Variants in SYNE1 observed in about 807,000 individuals in gnomAD.
SYNE1 encodes the protein spectrin repeat containing nuclear envelope protein 1, also known as nesprin-1.
A neutral mutation model predicts 1,111.0 loss-of-function variants in SYNE1; 616 were observed. That is an observed-to-expected ratio of 0.55 (90% CI 0.52 to 0.59). The LOEUF (loss-of-function observed/expected upper bound fraction) is 0.59, where lower values mean the gene tolerates loss of function less well. SYNE1 is among the 20% of genes least tolerant of loss of function. SYNE1 has a pLI of 0.00. For missense variants in SYNE1, 10,006 were observed against 10,417.0 expected (o/e 0.96, Z 1.72); for synonymous variants, 3,855 against 3,825.8 (o/e 1.01, Z -0.28).
rs756825274 is a variant in SYNE1 at position 152,409,215 on chromosome 6, G to C, written c.6393C>G (p.Ala2131=). ...LKWAFSKHET[A]KNKMNYKQKD... Reference sequence around the variant, plus strand: ...TCTGTTTGTAATTCATTTTGTTCTTGGCAGTTTCATGCTGTGGATAAATGA... The same window carrying C: ...TCTGTTTGTAATTCATTTTGTTCTTCGCAGTTTCATGCTGTGGATAAATGA... The change falls in exon 44 of 146, where the codon GCC becomes GCG. Residue 2131 remains alanine (A), a synonymous_variant. Transcript: ENST00000367255. The C allele has an allele frequency of 6.2e-7, 1 of 1,613,866 alleles. No individual in the cohort carries two copies. Among genetic ancestry groups the C allele is most frequent in the Non-Finnish European group, 8.5e-7 (1 of 1,179,952 alleles).
chr6:152,548,417 A>G (rs967216094), intron 3 of SYNE1, among the ~76,000 whole-genome samples: 3 of 152,182 alleles, frequency 2.0e-5, no homozygotes, highest in East Asian at 1.9e-4. Flanking sequence ...CTGGACCACA[A>G]TTGCTCCCTC....
rs138618786 is a variant in SYNE1 at position 152,349,687 on chromosome 6, T to G, written c.11901+481A>C. Among the ~76,000 whole-genome samples, 188 of 152,320 alleles carry G rather than the reference T, an allele frequency of 1.2e-3. 1 individual carries two copies. Among genetic ancestry groups the G allele is most frequent in the African/African-American group, 4.2e-3 (176 of 41,566 alleles). ...AGTGCTTGAGACTCAGACCTTCATA[T>G]GGTTTGGCTGTCTCCCCACCCAAAT... On this transcript the variant is annotated intron_variant, in intron 72 of 145. Transcript: ENST00000367255.
intron 67 of SYNE1, 75 bp downstream of exon 67, chr6:152,354,584 T>G (rs2096801281): frequency 1.3e-6 from 2 of 1,574,932 alleles, no homozygotes; most frequent in African/African-American, 2.7e-5. Context: ...TAAAAGTTAC[T>G]AAATATCTTA....
intron 56 of SYNE1, chr6:152,380,421 A>G (rs527859672): frequency 2.0e-5 from 3 of 153,356 alleles, no homozygotes; most frequent in Admixed American, 6.5e-5. Context: ...CCTTTCTCAC[A>G]TTCTAAAGAA....
At chr6:152,299,691 T>C (rs993010512) in intron 93 of SYNE1, among the ~76,000 whole-genome samples, 52 of 152,126 alleles carry the variant, frequency 3.4e-4, no homozygotes, top group Admixed American at 6.5e-5. Flanking sequence ...ATGTTCCTTT[T>C]TTTTTTTAAT....
In SYNE1 at chr6:152,318,336, T is replaced by G. The variant is rs2095787792; in HGVS notation, c.16390-73A>C. 5 of 1,547,864 alleles carry G rather than the reference T, an allele frequency of 3.2e-6. No individual in the cohort carries two copies. In the South Asian group the frequency reaches 5.7e-5, roughly 18 times the overall value. Reference sequence around the variant, plus strand: ...TTCTCCAGGTTTCCCGAGATCAGACTGATTTTTGTCAAAGCCAAATATTAT... The same window carrying G: ...TTCTCCAGGTTTCCCGAGATCAGACGGATTTTTGTCAAAGCCAAATATTAT... On this transcript the variant is annotated intron_variant, in intron 85 of 145. Transcript: ENST00000367255.
Position 152,148,255 on chromosome 6 carries a change from T to A in SYNE1, c.24766A>T (p.Asn8256Tyr), listed in dbSNP as rs1422721898. ...GGCTGAGCGAGCGAGAGGGAGAGAT[T>A]GGAGGAAGGCTGTGGAGAAAGCAGG... is the stretch of plus-strand genomic sequence containing the variant. ...DSLLSPQPSSNLSLSLAQPLR... is the reference protein window; with the variant it reads ...DSLLSPQPSSYLSLSLAQPLR... The change falls in exon 137 of 146, where the codon AAT becomes TAT. Residue 8256 changes from asparagine (N) to tyrosine (Y), a missense_variant. Physicochemically the swap from Asn to Tyr is moderately radical, Grantham distance 143. Coordinates refer to ENST00000367255, the MANE Select transcript of SYNE1 (RefSeq NM_182961.4). This position sits in a 1 kb window ranked among gnomAD's most constrained non-coding sequence, Gnocchi z 4.1. The A allele has an allele frequency of 6.2e-7, 1 of 1,613,478 alleles. No individual in the cohort carries two copies. The highest frequency in any genetic ancestry group is 8.5e-7 in the Non-Finnish European group (1 of 1,179,676).
rs754758564 is a variant in SYNE1, at chr6:152,293,809, C to T, written c.17851-60G>A. 63 of 1,612,938 alleles carry T rather than the reference C, an allele frequency of 3.9e-5. 1 individual carries two copies. In the Middle Eastern group the frequency reaches 5.2e-4, roughly 13 times the overall value. ...CAGCCCCTTATCTTTCAGATTACAA[C>T]ATTTCTTTCTTCAGTGCTTTACCTC... On this transcript the variant is annotated intron_variant, in intron 94 of 145. Transcript: ENST00000367255.
chr6:152,235,581 G>A (rs1227063680), intron 110 of SYNE1, among the ~76,000 whole-genome samples: 1 of 152,044 alleles, frequency 6.6e-6, no homozygotes, highest in African/African-American at 2.4e-5. Context: ...GGCTGGTCTC[G>A]AACTCCTGAC....
In SYNE1 at chr6:152,354,973, G is replaced by C; in HGVS notation, c.10612C>G (p.Leu3538Val). Reference sequence around the variant, plus strand: ...TGCCCCTCTGCACAGTGTACCTGTAGCTCCTGCAGAGAAAAAGGTATGGCT... The same window carrying C: ...TGCCCCTCTGCACAGTGTACCTGTACCTCCTGCAGAGAAAAAGGTATGGCT... ...HETTLRDLQE[L>V]QVHCAEGQAL... Residue 3538 changes from leucine to valine, a missense_variant, in exon 67 of 146, where the codon CTA (leucine) becomes GTA (valine). Leu to Val is a conservative substitution (Grantham distance 32). Transcript: ENST00000367255. 1.2e-6 allele frequency: 2 copies of C among 1,613,732 alleles called. No individual in the cohort carries two copies. Among genetic ancestry groups the C allele is most frequent in the Non-Finnish European group, 1.7e-6 (2 of 1,180,008 alleles).
chr6:152,181,984 A>T (rs928305086), intron 128 of SYNE1, among the ~76,000 whole-genome samples: 1 of 152,076 alleles, frequency 6.6e-6, no homozygotes, highest in African/African-American at 2.4e-5. Context: ...GATGGTTTTG[A>T]TTTGCATTTC....
At chr6:152,629,109 T>A (rs997577194) in intron 2 of SYNE1, among the ~76,000 whole-genome samples, 1 of 152,138 alleles carries the variant, frequency 6.6e-6, no homozygotes, top group Non-Finnish European at 1.5e-5. Flanking sequence ...TGATTTAGTT[T>A]TTTTCCTCCC....
chr6:152,359,062 G>T (rs2096887688), intron 65 of SYNE1, among the ~76,000 whole-genome samples: 1 of 152,112 alleles, frequency 6.6e-6, no homozygotes, highest in Non-Finnish European at 1.5e-5. Context: ...AAGGTGTCCA[G>T]AATTTTTTTT....
At chr6:152,442,315 C>T in intron 30 of SYNE1, 70 bp from the exon 31 acceptor site, 1 of 1,579,500 alleles carries the variant, frequency 6.3e-7, no homozygotes. Context: ...ACATCAACAC[C>T]CACGCTTAAC....
chr6:152,385,011 C>G (rs2097502718), intron 55 of SYNE1, among the ~76,000 whole-genome samples: 1 of 152,104 alleles, frequency 6.6e-6, no homozygotes, highest in Non-Finnish European at 1.5e-5. Context: ...CACAATTACA[C>G]TATTTATTCC....
At chr6:152,412,656 C>T (rs892119981) in intron 42 of SYNE1, among the ~76,000 whole-genome samples, 1 of 152,034 alleles carries the variant, frequency 6.6e-6, no homozygotes, top group Non-Finnish European at 1.5e-5. Flanking sequence ...TTAATAGTTA[C>T]ACAACTGCAT....
intron 128 of SYNE1, chr6:152,185,401 AC>A (rs1474225841): frequency 2.6e-5 from 4 of 152,292 alleles, no homozygotes; most frequent in African/African-American, 9.6e-5. Flanking sequence ...TCAAGTTTTG[AC>A]TTTTACAATG....
rs1768536999 is a variant in SYNE1, at chr6:152,262,017, T to C, written c.18972+15A>G. 6.2e-7 allele frequency: 1 copy of C among 1,602,956 alleles called. No homozygotes were observed. The highest frequency in any genetic ancestry group is 1.3e-5 in the African/African-American group (1 of 74,442). On this transcript the variant is annotated intron_variant, in intron 101 of 145. Transcript: ENST00000367255. ...CTTTTATATTAGTTAATATATAATG[T>C]AAAATATTTGATACCACTTGCTCTT...
Position 152,629,162 on chromosome 6 carries a change from G to A in SYNE1, c.-223-608C>T, listed in dbSNP as rs117134665. On this transcript the variant is annotated intron_variant, in intron 2 of 145. Transcript: ENST00000367255. ...GAGTTTTAAGGCTAGGGTGGGGTGGGTGAAGCAGAGTGGACATTTTCCTTC... is the reference window on the plus strand; with the variant it reads ...GAGTTTTAAGGCTAGGGTGGGGTGGATGAAGCAGAGTGGACATTTTCCTTC... Among the ~76,000 whole-genome samples the A allele has an allele frequency of 6.6e-3, 1,008 of 152,142 alleles. 8 individuals are homozygous for A. Among genetic ancestry groups the A allele is most frequent in the Non-Finnish European group, 0.011 (779 of 67,992 alleles).
Sources: gnomAD v4.1 joint callset for allele counts (sites outside exome capture counted in the v4.1 genomes callset) on GRCh38, gnomAD v4.1.1 for gene constraint, Gnocchi (gnomAD v3.1) non-coding constraint, MANE v1.5 for transcripts, NCBI Gene and HGNC (gene_info 2026-07-23, HGNC 2026-07-21) for gene names.